Variants in ADARB1 observed in about 807,000 individuals in gnomAD.
ADARB1 encodes the protein adenosine deaminase RNA specific B1.
ADARB1 carries 10 observed loss-of-function variants against 52.4 expected under a neutral mutation model. The observed-to-expected ratio is 0.19, with a 90% CI of 0.12 to 0.32. ADARB1 has a LOEUF of 0.32. Ranked by LOEUF, ADARB1 falls within the 10% of genes least tolerant of loss-of-function variation. The pLI is 1.00. For synonymous variants in ADARB1, 349 were observed against 371.1 expected (o/e 0.94, Z 0.68); for missense variants, 643 against 922.3 (o/e 0.70, Z 3.92).
chr21:45,193,357 C>T (rs976368858), intron 8 of ADARB1, among the ~76,000 whole-genome samples: 1 of 152,160 alleles, frequency 6.6e-6, no homozygotes, highest in African/African-American at 2.4e-5. Context: ...CTCATAAAAA[C>T]TCATAGCAAA....
chr21:45,148,667 G>C (rs1320408257), intron 2 of ADARB1, among the ~76,000 whole-genome samples: 1 of 152,202 alleles, frequency 6.6e-6, no homozygotes, highest in Admixed American at 6.5e-5. Context: ...TCAAGAAGTA[G>C]AGCAGAGCTG....
At chr21:45,186,888 G>A (rs138742438) in intron 8 of ADARB1, among the ~76,000 whole-genome samples, 1 of 151,206 alleles carries the variant, frequency 6.6e-6, no homozygotes, top group African/African-American at 2.5e-5. Context: ...TATTCCATAT[G>A]TCTATTCTTT....
At chr21:45,111,833 C>T (rs1052285737) in intron 1 of ADARB1, among the ~76,000 whole-genome samples, 5 of 152,260 alleles carry the variant, frequency 3.3e-5, no homozygotes, top group Non-Finnish European at 5.9e-5. Flanking sequence ...TCTGACCATA[C>T]TGATACATGT....
chr21:45,158,251 G>A (rs1054440953), intron 2 of ADARB1, among the ~76,000 whole-genome samples: 1 of 152,144 alleles, frequency 6.6e-6, no homozygotes, highest in African/African-American at 2.4e-5. Context: ...GGCGGGAGGG[G>A]GGAACTCCCT....
At chr21:45,140,816 A>G (rs2089682001) in intron 2 of ADARB1, among the ~76,000 whole-genome samples, 3 of 152,234 alleles carry the variant, frequency 2.0e-5, no homozygotes, top group African/African-American at 7.2e-5. Flanking sequence ...CAAGTAATTT[A>G]TAAATTTGAT....
At chr21:45,094,789 G>A (rs551563781) in intron 1 of ADARB1, among the ~76,000 whole-genome samples, 3 of 152,134 alleles carry the variant, frequency 2.0e-5, no homozygotes, top group African/African-American at 7.2e-5. Flanking sequence ...TTCTAGTGAT[G>A]CAGATGTCTG....
intron 7 of ADARB1, 34 bp from the exon 8 acceptor site, chr21:45,184,889 T>C: frequency 1.9e-6 from 3 of 1,571,762 alleles, no homozygotes; most frequent in Non-Finnish European, 2.6e-6. Flanking sequence ...GATGGTTTAC[T>C]ACCTGTGGGG....
intron 9 of ADARB1, among the ~76,000 whole-genome samples, chr21:45,210,000 T>C (rs2092735598): frequency 6.6e-6 from 1 of 152,214 alleles, no homozygotes; most frequent in Non-Finnish European, 1.5e-5. Flanking sequence ...AGGAGTGAAC[T>C]GTTTTCCCCG....
chr21:45,180,265 T>G, intron 4 of ADARB1, 65 bp from the exon 5 acceptor site: 1 of 1,163,134 alleles, frequency 8.6e-7, no homozygotes, highest in Non-Finnish European at 1.3e-6. Context: ...CGTGCAGCAT[T>G]GAGAGAGTGA....
Position 45,175,746 on chromosome 21 carries a change from T to C in ADARB1, c.45T>C (p.Asp15=). 6.2e-7 allele frequency: 1 copy of C among 1,614,036 alleles called. No individual in the cohort carries two copies. Among genetic ancestry groups the C allele is most frequent in the East Asian group, 2.2e-5 (1 of 44,886 alleles). The change falls in exon 4 of 11, where the codon GAT becomes GAC. Residue 15 remains aspartate (D), a synonymous_variant. Coordinates refer to ENST00000348831, the MANE Select transcript of ADARB1 (RefSeq NM_001112.4). The part of the protein sequence containing the change: ...DEENMSSSST[D]VKENRNLDNV... ...GCACCACAGGTTCCAGCAGCACTGA[T>C]GTGAAGGAAAACCGCAATCTGGACA... is the stretch of plus-strand genomic sequence containing the variant.
chr21:45,183,280 A>C, intron 6 of ADARB1, 82 bp from the exon 7 acceptor site: 1 of 1,338,102 alleles, frequency 7.5e-7, no homozygotes, highest in Non-Finnish European at 1.0e-6. Flanking sequence ...CCTTGTGGAA[A>C]ATACTAGCCT....
rs1479484371 is a variant in ADARB1 at position 45,225,298 on chromosome 21, T to C, written c.*3101T>C. ...CCTGGTCGTACGCCAGGCCCACCTC[T>C]TCCCAGCAAGGGACGCCAAAGAACT... On this transcript the variant is annotated 3_prime_UTR_variant, in exon 11 of 11. Coordinates refer to ENST00000348831, the MANE Select transcript of ADARB1 (RefSeq NM_001112.4). 1 of 1,187,438 alleles carries C rather than the reference T, an allele frequency of 8.4e-7. No homozygotes were observed. Among genetic ancestry groups the C allele is most frequent in the African/African-American group, 1.6e-5 (1 of 63,436 alleles). 73.6% of individuals were successfully genotyped at this position (1,187,438 alleles called of 1,614,324 possible).
intron 1 of ADARB1, among the ~76,000 whole-genome samples, chr21:45,104,660 TG>T (rs1392960531): frequency 1.3e-5 from 2 of 152,252 alleles, no homozygotes; most frequent in Non-Finnish European, 2.9e-5. Context: ...ATAGCATTGC[TG>T]GGCCCCTGTG....
intron 4 of ADARB1, among the ~76,000 whole-genome samples, chr21:45,178,367 C>T (rs1394852296): frequency 6.6e-6 from 1 of 152,252 alleles, no homozygotes; most frequent in Non-Finnish European, 1.5e-5. Flanking sequence ...CGCCACGTTC[C>T]TCTGGGCTCT....
intron 2 of ADARB1, among the ~76,000 whole-genome samples, chr21:45,168,645 T>C (rs1237762703): frequency 6.6e-6 from 1 of 152,220 alleles, no homozygotes; most frequent in Non-Finnish European, 1.5e-5. Flanking sequence ...GCTATCCTCT[T>C]GTGATCTGCT....
At chr21:45,169,717 A>G (rs1419871847) in intron 2 of ADARB1, among the ~76,000 whole-genome samples, 2 of 152,336 alleles carry the variant, frequency 1.3e-5, no homozygotes, top group Middle Eastern at 3.4e-3. Context: ...GAACAGAGCT[A>G]TTTGGACAGG....
chr21:45,131,927 G>T (rs1208317148), intron 2 of ADARB1, among the ~76,000 whole-genome samples: 1 of 152,250 alleles, frequency 6.6e-6, no homozygotes, highest in Non-Finnish European at 1.5e-5. Flanking sequence ...GCTCTTCTCT[G>T]TGTGGAGGTT....
rs116107690 is a variant in ADARB1, at chr21:45,116,278, C to T, written c.-219-12124C>T. Among the ~76,000 whole-genome samples the T allele has an allele frequency of 3.2e-3, 489 of 152,388 alleles. 3 individuals carry two copies. The highest frequency in any genetic ancestry group is 0.011 in the African/African-American group (445 of 41,592). On this transcript the variant is annotated intron_variant, in intron 1 of 10. Transcript: ENST00000348831. ...GTGGGGCTGGCCTGGGTAGGGCCTG[C>T]GCCTGTGCTTGCTGCGCAGCAGCAC... is the stretch of plus-strand genomic sequence containing the variant.
chr21:45,218,958 A>T lies in ADARB1; in HGVS notation c.1748-1878A>T, dbSNP rs76796956. On this transcript the variant is annotated intron_variant, in intron 9 of 10. Transcript: ENST00000348831. ...AACATCCATGTGATATGAATTATCAAGCTCAATATATAAATGCAGATACAT... is the reference window on the plus strand; with the variant it reads ...AACATCCATGTGATATGAATTATCATGCTCAATATATAAATGCAGATACAT... 6.8e-3 allele frequency among the ~76,000 whole-genome samples: 1,036 copies of T among 152,324 alleles called. 8 individuals are homozygous for T. Among genetic ancestry groups the T allele is most frequent in the African/African-American group, 0.022 (911 of 41,562 alleles).
Sources: allele counts gnomAD v4.1 joint callset (sites outside exome capture counted in the v4.1 genomes callset), GRCh38; gene constraint gnomAD v4.1.1; transcripts MANE v1.5; gene names NCBI Gene and HGNC (gene_info 2026-07-23, HGNC 2026-07-21).